BMPR1A: variants seen among roughly 807,000 people sequenced by gnomAD.
The protein encoded by BMPR1A is bone morphogenetic protein receptor type 1A.
BMPR1A carries 7 observed loss-of-function variants against 66.0 expected under a neutral mutation model. The observed-to-expected ratio is 0.11, with a 90% confidence interval of 0.06 to 0.20. The LOEUF is 0.20. BMPR1A is among the 10% of genes least tolerant of loss of function. The probability of loss-of-function intolerance (pLI) is 1.00; values close to 1 mark genes in which losing one functional copy is unlikely to be tolerated. For synonymous variants in BMPR1A, 200 were observed against 229.7 expected, an observed-to-expected ratio of 0.87 and a Z score of 1.17; for missense variants, 408 against 669.1, an observed-to-expected ratio of 0.61 and a Z score of 4.31.
intron 2 of BMPR1A, among the ~76,000 whole-genome samples, chr10:86,839,889 T>C (rs1842401918): frequency 6.6e-6 from 1 of 152,090 alleles, no homozygotes; most frequent in African/African-American, 2.4e-5. Flanking sequence ...CTTGAACCCC[T>C]GGACTCAAGT....
At chr10:86,783,121 A>T (rs1350431827) in intron 1 of BMPR1A, among the ~76,000 whole-genome samples, 16 of 152,156 alleles carry the variant, frequency 1.1e-4, no homozygotes, top group Admixed American at 1.0e-3. Context: ...TTTGTTGAAG[A>T]GATTATTCTT....
In BMPR1A at chr10:86,924,271, C is replaced by A. The variant is rs1290658304; in HGVS notation, c.*552C>A. The A allele has an allele frequency of 4.2e-6, 1 of 240,006 alleles. No individual in the cohort carries two copies. The highest frequency in any genetic ancestry group is 2.2e-5 in the African/African-American group (1 of 45,354). The allele number at this position is 240,006 out of a possible 1,614,324, so 14.9% of individuals were successfully genotyped here. ...TCCATGCACATGCACGCCGGGATTC[C>A]TCTGCTGCCATTTGAATTAGAAGAA... On this transcript the variant is annotated 3_prime_UTR_variant, in exon 13 of 13. Transcript: ENST00000372037.
chr10:86,925,775 C>A lies in BMPR1A; in HGVS notation c.*2056C>A, dbSNP rs563175721. 6.8e-6 allele frequency: 1 copy of A among 147,946 alleles called. No individual in the cohort carries two copies. Among genetic ancestry groups the A allele is most frequent in the South Asian group, 2.3e-4 (1 of 4,288 alleles). 9.2% of individuals were successfully genotyped at this position (147,946 alleles called of 1,614,324 possible). ...TCGCTCTGTCGCCCAGGCTGGACTG[C>A]GGACTGCAGTGGCGCAATCTCGGCT... On this transcript the variant is annotated 3_prime_UTR_variant, in exon 13 of 13. Transcript: ENST00000372037.
intron 1 of BMPR1A, among the ~76,000 whole-genome samples, chr10:86,810,041 G>A (rs957961238): frequency 5.9e-5 from 9 of 151,820 alleles, no homozygotes; most frequent in African/African-American, 1.7e-4. Flanking sequence ...CATGATCTCG[G>A]CTCACTGCAA....
At chr10:86,906,963 G>A (rs1366047565) in intron 7 of BMPR1A, among the ~76,000 whole-genome samples, 1 of 151,416 alleles carries the variant, frequency 6.6e-6, no homozygotes, top group Non-Finnish European at 1.5e-5. Flanking sequence ...GTCCATCTGA[G>A]CTGTGTATTG....
chr10:86,756,222 G>A (rs975578805), upstream of BMPR1A: 4 of 152,248 alleles, frequency 2.6e-5, no homozygotes, highest in African/African-American at 7.2e-5. Context: ...CGGCAGCCGT[G>A]TCCACGCTCC....
At chr10:86,911,484 C>T (rs138492247) in intron 7 of BMPR1A, among the ~76,000 whole-genome samples, 5,010 of 152,224 alleles carry the variant, frequency 0.033, 255 homozygotes, top group African/African-American at 0.11. Flanking sequence ...TAGTGTCTCA[C>T]GCCTGTAATC....
Position 86,926,899 on chromosome 10 carries a change from T to C in BMPR1A, c.*3180T>C, listed in dbSNP as rs140013274. 2.8e-4 allele frequency: 54 copies of C among 193,326 alleles called. No individual in the cohort carries two copies. The highest frequency in any genetic ancestry group is 1.5e-3 in the Admixed American group (24 of 16,376). The allele number at this position is 193,326 out of a possible 1,614,324, so 12.0% of individuals were successfully genotyped here. The stretch of plus-strand genomic sequence containing the variant: ...AAATAGCTCTAGGATTAAAGGCACA[T>C]TAGGGTTTCCTTCAGTTTGTTTATT... On this transcript the variant is annotated 3_prime_UTR_variant, in exon 13 of 13. Transcript: ENST00000372037.
chr10:86,873,293 T>A (rs1021817961), intron 2 of BMPR1A, among the ~76,000 whole-genome samples: 2 of 152,074 alleles, frequency 1.3e-5, no homozygotes, highest in African/African-American at 2.4e-5. Flanking sequence ...TAATACGTAC[T>A]CCAGATGCAG....
At chr10:86,790,564 A>G (rs1021938653) in intron 1 of BMPR1A, among the ~76,000 whole-genome samples, 1 of 152,156 alleles carries the variant, frequency 6.6e-6, no homozygotes. Context: ...CGATAAATAG[A>G]TAAACAAAAT....
intron 2 of BMPR1A, among the ~76,000 whole-genome samples, chr10:86,854,099 C>T (rs1053536760): frequency 1.3e-5 from 2 of 152,236 alleles, no homozygotes; most frequent in African/African-American, 4.8e-5. Context: ...GGGGCACATT[C>T]TCTTTCCCAG....
chr10:86,847,717 C>A (rs1371011915), intron 2 of BMPR1A, among the ~76,000 whole-genome samples: 1 of 151,614 alleles, frequency 6.6e-6, no homozygotes, highest in Non-Finnish European at 1.5e-5. Flanking sequence ...ATGTAAGCAG[C>A]CTATTAATAA....
intron 11 of BMPR1A, among the ~76,000 whole-genome samples, chr10:86,923,081 C>T (rs575075213): frequency 6.6e-5 from 10 of 152,292 alleles, no homozygotes; most frequent in African/African-American, 2.4e-4. Flanking sequence ...AATAATTATA[C>T]TTTAGGGTAA....
intron 5 of BMPR1A, among the ~76,000 whole-genome samples, chr10:86,899,513 T>C (rs1177719151): frequency 2.0e-5 from 3 of 152,270 alleles, no homozygotes; most frequent in African/African-American, 4.8e-5. Context: ...TGAGATTATA[T>C]GTACCAGACC....
chr10:86,770,020 G>A (rs1413988203), intron 1 of BMPR1A, among the ~76,000 whole-genome samples: 1 of 152,020 alleles, frequency 6.6e-6, no homozygotes, highest in Non-Finnish European at 1.5e-5. Flanking sequence ...GGCTGGGCAA[G>A]GTGATGCAGA....
intron 1 of BMPR1A, among the ~76,000 whole-genome samples, chr10:86,796,122 A>G (rs530120830): frequency 2.0e-5 from 3 of 152,302 alleles, no homozygotes; most frequent in African/African-American, 7.2e-5. Context: ...CCAGTGCCAT[A>G]TTCTGAATAT....
intron 2 of BMPR1A, among the ~76,000 whole-genome samples, chr10:86,844,616 A>G (rs552908943): frequency 2.0e-5 from 3 of 152,332 alleles, no homozygotes; most frequent in Admixed American, 2.0e-4. Flanking sequence ...ACTTTGCAAT[A>G]TTTAGAAACA....
intron 1 of BMPR1A, among the ~76,000 whole-genome samples, chr10:86,834,954 G>A (rs1353951452): frequency 6.6e-6 from 1 of 151,980 alleles, no homozygotes; most frequent in Admixed American, 6.6e-5. Context: ...GTGCTGAGAA[G>A]GGAGGAGAAA....
intron 2 of BMPR1A, among the ~76,000 whole-genome samples, chr10:86,843,252 C>T (rs1312886575): frequency 6.6e-6 from 1 of 152,118 alleles, no homozygotes; most frequent in Non-Finnish European, 1.5e-5. Flanking sequence ...ATATTTTTGG[C>T]CCTTTCTCTC....
Sources: allele counts gnomAD v4.1 joint callset (sites outside exome capture counted in the v4.1 genomes callset), GRCh38; gene constraint gnomAD v4.1.1; transcripts MANE v1.5; gene names NCBI Gene and HGNC (gene_info 2026-07-23, HGNC 2026-07-21).